Variants in ZMAT3 observed in about 807,000 individuals in gnomAD.
The protein encoded by ZMAT3 is zinc finger matrin-type protein 3.
A neutral mutation model predicts 32.3 loss-of-function variants in ZMAT3; 17 were observed. The observed-to-expected ratio is 0.53, with a 90% CI of 0.36 to 0.79. ZMAT3 has a LOEUF of 0.79. Among genes scored for constraint, ZMAT3 ranks in the 30% least tolerant of loss-of-function variants. ZMAT3 has a pLI of 0.00. For missense variants in ZMAT3, 329 were observed against 359.7 expected, an observed-to-expected ratio of 0.91 and a Z score of 0.69; for synonymous variants, 120 against 133.1, an observed-to-expected ratio of 0.90 and a Z score of 0.68.
chr3:179,049,874 C>T (rs13324382), intron 2 of ZMAT3, among the ~76,000 whole-genome samples: 1 of 151,566 alleles, frequency 6.6e-6, no homozygotes, highest in Non-Finnish European at 1.5e-5. Context: ...CGCCTGTAGT[C>T]TCAGCTACTC....
chr3:179,057,388 T>C (rs1321548424), intron 2 of ZMAT3, among the ~76,000 whole-genome samples: 1 of 152,176 alleles, frequency 6.6e-6, no homozygotes, highest in Non-Finnish European at 1.5e-5. Context: ...TGTCAATTCT[T>C]GTTTGCTTTT....
chr3:179,030,356 T>C (rs1441010585), intron 3 of ZMAT3, among the ~76,000 whole-genome samples: 1 of 145,698 alleles, frequency 6.9e-6, no homozygotes, highest in Non-Finnish European at 1.5e-5. Context: ...CAGAATTTCT[T>C]TTTTTTTTTT....
intron 2 of ZMAT3, among the ~76,000 whole-genome samples, chr3:179,042,721 C>T (rs551897942): frequency 3.9e-5 from 6 of 152,080 alleles, no homozygotes; most frequent in African/African-American, 1.4e-4. Flanking sequence ...AAGTTCTGGC[C>T]AGGGCAATCA....
At chr3:179,031,323 T>C (rs1016173414) in intron 2 of ZMAT3, among the ~76,000 whole-genome samples, 4 of 147,026 alleles carry the variant, frequency 2.7e-5, no homozygotes, top group Non-Finnish European at 6.0e-5. Context: ...CTCCTATGGA[T>C]AAAAAAAAAT....
chr3:179,019,779 T>C lies in ZMAT3; in HGVS notation c.*5238A>G, dbSNP rs2108525833. 6.6e-6 allele frequency: 1 copy of C among 152,300 alleles called. No individual in the cohort carries two copies. The highest frequency in any genetic ancestry group is 1.9e-4 in the East Asian group (1 of 5,190). The allele number at this position is 152,300 out of a possible 1,614,324, so 9.4% of individuals were successfully genotyped here. On this transcript the variant is annotated 3_prime_UTR_variant, in exon 6 of 6. Coordinates refer to ENST00000311417, the MANE Select transcript of ZMAT3 (RefSeq NM_022470.4). ...TATAGAAATGAACTAACACAATTAATAATTATTGTGCCAGTCTCTTCGCTT... is the reference window on the plus strand; with the variant it reads ...TATAGAAATGAACTAACACAATTAACAATTATTGTGCCAGTCTCTTCGCTT...
chr3:179,026,398 TTTTTTTG>T, intron 5 of ZMAT3, among the ~76,000 whole-genome samples: 1 of 141,862 alleles, frequency 7.0e-6, no homozygotes, highest in Non-Finnish European at 1.5e-5. Context: ...TTTTTTTTTT[TTTTTTTG>T]AGACAGAGTC....
chr3:179,059,699 G>A (rs1046821902), intron 2 of ZMAT3, among the ~76,000 whole-genome samples: 38 of 152,078 alleles, frequency 2.5e-4, no homozygotes, highest in African/African-American at 8.2e-4. Flanking sequence ...TAATGACATC[G>A]AAGACACCCC....
chr3:179,064,876 T>C (rs1449612635), intron 2 of ZMAT3, among the ~76,000 whole-genome samples: 1 of 139,002 alleles, frequency 7.2e-6, no homozygotes, highest in Non-Finnish European at 1.6e-5. Flanking sequence ...CTCTGTTTAT[T>C]ATTCTGATCT....
Position 179,067,680 on chromosome 3 carries a change from T to C in ZMAT3, c.73A>G (p.Thr25Ala). 2 of 1,614,138 alleles carry C rather than the reference T, an allele frequency of 1.2e-6. No homozygotes were observed. The highest frequency in any genetic ancestry group is 2.2e-5 in the South Asian group (2 of 91,084). ...PSPSPPMSVA[T>A]RSTGTLQLPP... ...AGCTGCAAGGTTCCTGTAGACCTGG[T>C]GGCCACTGACATAGGAGGCGAGGGT... Residue 25 changes from threonine to alanine, a missense_variant, in exon 2 of 6, where the codon ACC becomes GCC. By Grantham distance (58) the Thr-to-Ala change is moderately conservative. Coordinates refer to ENST00000311417, the MANE Select transcript of ZMAT3 (RefSeq NM_022470.4).
upstream of ZMAT3, chr3:179,072,348 C>G (rs1721766540): frequency 6.6e-6 from 1 of 151,466 alleles, no homozygotes; most frequent in African/African-American, 2.4e-5. Flanking sequence ...CACCCACACA[C>G]ACACCTTCCC....
chr3:179,070,448 T>C (rs1230869053), intron 1 of ZMAT3, among the ~76,000 whole-genome samples: 1 of 152,260 alleles, frequency 6.6e-6, no homozygotes, highest in Non-Finnish European at 1.5e-5. Flanking sequence ...TTTCTTGTTA[T>C]ATTTAACAAT....
chr3:179,043,088 G>A (rs1051386776), intron 2 of ZMAT3, among the ~76,000 whole-genome samples: 2 of 152,136 alleles, frequency 1.3e-5, no homozygotes, highest in East Asian at 3.8e-4. Context: ...ACAAACAAAT[G>A]GAAGAACATT....
At chr3:179,068,154 C>G (rs1721518439) in intron 1 of ZMAT3, among the ~76,000 whole-genome samples, 1 of 152,184 alleles carries the variant, frequency 6.6e-6, no homozygotes, top group Non-Finnish European at 1.5e-5. Context: ...AGTCCAGACC[C>G]CTTCCCTCAG....
At chr3:179,056,807 C>T (rs1162029256) in intron 2 of ZMAT3, among the ~76,000 whole-genome samples, 2 of 152,154 alleles carry the variant, frequency 1.3e-5, no homozygotes, top group Non-Finnish European at 2.9e-5. Flanking sequence ...CTTCTCCCAG[C>T]CACTAAGTTG....
At chr3:179,027,905 C>G (rs1718968776) in intron 3 of ZMAT3, 93 bp from the exon 4 acceptor site, 1 of 1,306,004 alleles carries the variant, frequency 7.7e-7, no homozygotes, top group Non-Finnish European at 1.0e-6. Context: ...GAAAAACAAC[C>G]AAAGGATATG....
Position 179,018,074 on chromosome 3 carries a change from A to G in ZMAT3, c.*6943T>C, listed in dbSNP as rs1474946273. ...GGGCAGAACAATGACCAGCCACTCC[A>G]AAAGAGTTTTGTTCCTATACATGCC... On this transcript the variant is annotated 3_prime_UTR_variant, in exon 6 of 6. Coordinates refer to ENST00000311417, the MANE Select transcript of ZMAT3 (RefSeq NM_022470.4). 1 of 152,192 alleles carries G rather than the reference A, an allele frequency of 6.6e-6. No individual in the cohort carries two copies. Among genetic ancestry groups the G allele is most frequent in the Non-Finnish European group, 1.5e-5 (1 of 68,046 alleles). The allele number at this position is 152,192 out of a possible 1,614,324, so 9.4% of individuals were successfully genotyped here.
At chr3:179,038,931 C>T (rs1164298753) in intron 2 of ZMAT3, among the ~76,000 whole-genome samples, 1 of 152,268 alleles carries the variant, frequency 6.6e-6, no homozygotes, top group Non-Finnish European at 1.5e-5. Context: ...CTTGGCAGGT[C>T]CCACGTCCAC....
chr3:179,037,946 A>AT (rs1358190487), intron 2 of ZMAT3, among the ~76,000 whole-genome samples: 2 of 152,196 alleles, frequency 1.3e-5, no homozygotes, highest in African/African-American at 4.8e-5. Flanking sequence ...ATGTACATAT[A>AT]TATATGTACA....
At chr3:179,061,016 A>AGG (rs768168470) in intron 2 of ZMAT3, among the ~76,000 whole-genome samples, 11 of 151,496 alleles carry the variant, frequency 7.3e-5, no homozygotes, top group Non-Finnish European at 1.5e-4. Flanking sequence ...TAGAAACGCA[A>AGG]GGGCTCAAAA....
Sources: gnomAD v4.1 joint callset for allele counts (sites outside exome capture counted in the v4.1 genomes callset) on GRCh38, gnomAD v4.1.1 for gene constraint, MANE v1.5 for transcripts, NCBI Gene and HGNC (gene_info 2026-07-23, HGNC 2026-07-21) for gene names.